PRKG1: variants seen among roughly 807,000 people sequenced by gnomAD.
PRKG1 encodes the protein cGMP-dependent protein kinase 1.
PRKG1 carries 35 observed loss-of-function variants against 88.1 expected under a neutral mutation model. That is an observed-to-expected ratio of 0.40 (90% CI 0.30 to 0.53). PRKG1 has a LOEUF of 0.53. Ranked by LOEUF, PRKG1 falls within the 20% of genes least tolerant of loss-of-function variation. PRKG1 has a pLI of 0.59. For missense variants in PRKG1, 540 were observed against 839.8 expected (o/e 0.64, Z 4.41); for synonymous variants, 303 against 292.5 (o/e 1.04, Z -0.37).
chr10:52,004,690 G>C (rs1253636000), intron 5 of PRKG1, among the ~76,000 whole-genome samples: 1 of 152,150 alleles, frequency 6.6e-6, no homozygotes, highest in Non-Finnish European at 1.5e-5. Flanking sequence ...GAAGTGGTAG[G>C]GGGGAAACGT....
chr10:52,078,689 A>G (rs1206861894), intron 7 of PRKG1, among the ~76,000 whole-genome samples: 1 of 152,266 alleles, frequency 6.6e-6, no homozygotes, highest in Non-Finnish European at 1.5e-5. Flanking sequence ...GTCACTAGCA[A>G]CAACAATTTC....
intron 4 of PRKG1, among the ~76,000 whole-genome samples, chr10:51,879,496 G>A (rs1412986958): frequency 6.6e-6 from 1 of 152,186 alleles, no homozygotes. Flanking sequence ...AGGCACAGAA[G>A]AGGGAATTGT....
chr10:52,204,935 C>T (rs1839777309), intron 9 of PRKG1, among the ~76,000 whole-genome samples: 1 of 152,094 alleles, frequency 6.6e-6, no homozygotes, highest in South Asian at 2.1e-4. Context: ...AGAAATATCA[C>T]TGAATTCTCT....
chr10:51,093,671 T>C (rs768030814), intron 1 of PRKG1, among the ~76,000 whole-genome samples: 20 of 148,562 alleles, frequency 1.3e-4, no homozygotes, highest in Middle Eastern at 3.5e-3. Context: ...TATATATGTA[T>C]GTATGTGTGT....
intron 3 of PRKG1, among the ~76,000 whole-genome samples, chr10:51,598,462 T>C (rs1838513707): frequency 1.3e-5 from 2 of 152,196 alleles, no homozygotes; most frequent in South Asian, 4.1e-4. Flanking sequence ...TTAGTAGAGA[T>C]AGCATTTTGC....
chr10:52,023,398 T>C (rs1242029410), intron 5 of PRKG1, among the ~76,000 whole-genome samples: 3 of 152,224 alleles, frequency 2.0e-5, no homozygotes, highest in African/African-American at 7.2e-5. Context: ...GTCTTTATAG[T>C]AGAATGATTT....
chr10:51,271,220 C>T (rs545388083), intron 2 of PRKG1, among the ~76,000 whole-genome samples: 5 of 151,098 alleles, frequency 3.3e-5, no homozygotes, highest in South Asian at 2.1e-4. Context: ...TAAAAAAGTT[C>T]GCTTATTGGC....
At chr10:51,100,233 A>G (rs1844646361) in intron 1 of PRKG1, among the ~76,000 whole-genome samples, 2 of 152,190 alleles carry the variant, frequency 1.3e-5, no homozygotes, top group Admixed American at 1.3e-4. Context: ...AACATATTCT[A>G]TTGGATAAGA....
At chr10:51,965,289 G>A (rs1418815911) in intron 5 of PRKG1, among the ~76,000 whole-genome samples, 1 of 152,046 alleles carries the variant, frequency 6.6e-6, no homozygotes, top group Non-Finnish European at 1.5e-5. Flanking sequence ...ATGTGTCCAT[G>A]TGTTCTCATG....
intron 8 of PRKG1, among the ~76,000 whole-genome samples, chr10:52,145,572 G>A (rs1023653562): frequency 2.6e-5 from 4 of 152,120 alleles, no homozygotes; most frequent in African/African-American, 9.7e-5. Flanking sequence ...GAGGTGGAGG[G>A]CACCAGGATT....
At chr10:51,146,609 G>T (rs1414952910) in intron 1 of PRKG1, among the ~76,000 whole-genome samples, 3 of 151,850 alleles carry the variant, frequency 2.0e-5, no homozygotes, top group Non-Finnish European at 2.9e-5. Flanking sequence ...TATTTTTGTT[G>T]TCTATGCTTT....
rs766425109 is a variant in PRKG1, at chr10:50,991,357, C to G, written c.-22C>G. On this transcript the variant is annotated 5_prime_UTR_variant, in exon 1 of 18. Coordinates refer to the PRKG1 transcript ENST00000401604. The surrounding 1 kb of genome is among the most constrained non-coding windows in gnomAD (Gnocchi z 4.5). ...GCCGCCGCCGCCCGAGAAAAAGTTTCGCGGAGGGGCTCAGTGAAAAAATGA... is the reference window on the plus strand; with the variant it reads ...GCCGCCGCCGCCCGAGAAAAAGTTTGGCGGAGGGGCTCAGTGAAAAAATGA... 2 of 1,497,724 alleles carry G rather than the reference C, an allele frequency of 1.3e-6. No individual in the cohort carries two copies. The highest frequency in any genetic ancestry group is 2.9e-5 in the African/African-American group (2 of 67,902). 92.8% of individuals were successfully genotyped at this position (1,497,724 alleles called of 1,614,324 possible). A position where few individuals can be genotyped will look rare whatever the true frequency, so the allele number is the denominator to read the frequency against.
chr10:51,677,395 T>C (rs1349090343), intron 3 of PRKG1, among the ~76,000 whole-genome samples: 1 of 152,218 alleles, frequency 6.6e-6, no homozygotes, highest in Non-Finnish European at 1.5e-5. Context: ...CATTTTAAAG[T>C]GGAAGTGACT....
At chr10:51,005,931 A>T (rs1842936198) in intron 1 of PRKG1, among the ~76,000 whole-genome samples, 2 of 152,178 alleles carry the variant, frequency 1.3e-5, no homozygotes, top group African/African-American at 4.8e-5. Context: ...ATAACTTTTC[A>T]TATCTGGTGG....
chr10:51,767,586 T>C (rs1265039372), intron 3 of PRKG1, among the ~76,000 whole-genome samples: 1 of 152,176 alleles, frequency 6.6e-6, no homozygotes, highest in Non-Finnish European at 1.5e-5. Flanking sequence ...CTCACTAGCT[T>C]TGTGACCTCA....
chr10:51,008,769 T>C (rs1197684400), intron 1 of PRKG1, among the ~76,000 whole-genome samples: 1 of 152,192 alleles, frequency 6.6e-6, no homozygotes, highest in Admixed American at 6.5e-5. Context: ...CTGTGACTTC[T>C]GAAGTCTGCT....
At chr10:51,966,530 A>T (rs908662206) in intron 5 of PRKG1, among the ~76,000 whole-genome samples, 15 of 152,084 alleles carry the variant, frequency 9.9e-5, no homozygotes, top group Admixed American at 9.8e-4. Flanking sequence ...CATTTCTTTC[A>T]AAGTATTATG....
chr10:51,702,735 C>G (rs375143689), intron 3 of PRKG1, among the ~76,000 whole-genome samples: 1 of 151,844 alleles, frequency 6.6e-6, no homozygotes, highest in African/African-American at 2.4e-5. Context: ...TCACTCCTGT[C>G]AGCCAGGCTG....
At chr10:51,314,333 T>G (rs1301742218) in intron 2 of PRKG1, among the ~76,000 whole-genome samples, 1 of 152,140 alleles carries the variant, frequency 6.6e-6, no homozygotes, top group Non-Finnish European at 1.5e-5. Context: ...TCTAGCTGAT[T>G]CCTGAAATGC....
Sources: allele counts gnomAD v4.1 joint callset (sites outside exome capture counted in the v4.1 genomes callset), GRCh38; gene constraint gnomAD v4.1.1; non-coding constraint Gnocchi (gnomAD v3.1); transcripts MANE v1.5; gene names NCBI Gene and HGNC (gene_info 2026-07-23, HGNC 2026-07-21).